PSMB5: variants seen among roughly 807,000 people sequenced by gnomAD.
PSMB5 encodes proteasome 20S subunit beta 5.
PSMB5 carries 2 observed loss-of-function variants against 22.8 expected under a neutral mutation model. The ratio of observed to expected loss-of-function variants is 0.09; its 90% confidence interval spans 0.04 to 0.28. The LOEUF is 0.28. PSMB5 is among the 10% of genes least tolerant of loss of function. The pLI is 1.00. For missense variants in PSMB5, 269 were observed against 343.8 expected (o/e 0.78, Z 1.72); for synonymous variants, 133 against 135.3 (o/e 0.98, Z 0.12).
chr14:23,032,281 C>T (rs2139920064), intron 2 of PSMB5, among the ~76,000 whole-genome samples: 1 of 152,128 alleles, frequency 6.6e-6, no homozygotes, highest in African/African-American at 2.4e-5. Context: ...CCCATCTCTA[C>T]TAAAAATATA....
At chr14:23,033,263 TACACTTCTTCAGCATTGAC>T (rs1366364927) in intron 2 of PSMB5, 86 bp downstream of exon 2, 1 of 1,209,880 alleles carries the variant, frequency 8.3e-7, no homozygotes. Context: ...AGGACCTAAT[TACACTTCTTCAGCATTGAC>T]ACCAAGCCCT....
At chr14:23,026,410 A>G (rs754405638) in intron 2 of PSMB5, 35 bp from the exon 3 acceptor site, 1 of 1,583,636 alleles carries the variant, frequency 6.3e-7, no homozygotes, top group South Asian at 1.2e-5. Flanking sequence ...GGAAAAAAAA[A>G]AAGATCACCC....
chr14:23,033,588 C>T lies in PSMB5; in HGVS notation c.285G>A (p.Glu95=). The T allele has an allele frequency of 6.2e-7, 1 of 1,614,186 alleles. No homozygotes were observed. Among genetic ancestry groups the T allele is most frequent in the Non-Finnish European group, 8.5e-7 (1 of 1,180,038 alleles). Residue 95 remains glutamate, a synonymous_variant, in exon 2 of 3, where the codon GAG becomes GAA. Coordinates refer to ENST00000361611, the MANE Select transcript of PSMB5 (RefSeq NM_002797.5). ...TGGTGCCTAGCAGGTATGGGTTGAT[C>T]TCTATCACCTTCTTCACCGTCTGGG... is the stretch of plus-strand genomic sequence containing the variant. ...IASQTVKKVI[E]INPYLLGTMA...
intron 2 of PSMB5, chr14:23,027,769 G>A (rs2046926363): frequency 6.5e-7 from 1 of 1,548,158 alleles, no homozygotes; most frequent in Admixed American, 2.0e-5. Flanking sequence ...GATCCTCTCA[G>A]CACACCCACA....
At chr14:23,027,718 C>T in intron 2 of PSMB5, 1 of 1,476,278 alleles carries the variant, frequency 6.8e-7, no homozygotes, top group South Asian at 1.2e-5. Flanking sequence ...CATACCACCC[C>T]ATCTCACCTT....
upstream of PSMB5, chr14:23,035,040 A>G (rs1242469351): frequency 1.4e-6 from 2 of 1,390,776 alleles, no homozygotes; most frequent in Non-Finnish European, 1.9e-6. Context: ...GCCAGATGCG[A>G]AAGACCATTT....
chr14:23,026,734 G>GCCACCT, intron 2 of PSMB5, among the ~76,000 whole-genome samples: 1 of 151,092 alleles, frequency 6.6e-6, no homozygotes, highest in African/African-American at 2.4e-5. Flanking sequence ...ACAGGCGTGA[G>GCCACCT]CCACCTCGCC....
intron 1 of PSMB5, among the ~76,000 whole-genome samples, chr14:23,034,104 C>T (rs887405691): frequency 2.1e-5 from 3 of 145,306 alleles, no homozygotes; most frequent in Admixed American, 1.4e-4. Context: ...CCAGCCTGAG[C>T]GACAGCGAAA....
Position 23,034,797 on chromosome 14 carries a change from C to G in PSMB5, c.85G>C (p.Asp29His). The G allele has an allele frequency of 6.2e-7, 1 of 1,614,236 alleles. No homozygotes were observed. The highest frequency in any genetic ancestry group is 8.5e-7 in the Non-Finnish European group (1 of 1,180,046). The change falls in exon 1 of 3, where the codon GAT becomes CAT. Residue 29 changes from aspartate (D) to histidine (H), a missense_variant. Coordinates refer to ENST00000361611, the MANE Select transcript of PSMB5 (RefSeq NM_002797.5). Reference sequence around the variant, plus strand: ...TCACTGAGACTCCCTGGACCTAGATCCAGCAGATCTGCACGACCCCCAAGT... The same window carrying G: ...TCACTGAGACTCCCTGGACCTAGATGCAGCAGATCTGCACGACCCCCAAGT... ...FGLGGRADLL[D>H]LGPGSLSDGL...
chr14:23,025,972 A>C lies in PSMB5; in HGVS notation c.*117T>G. Reference sequence around the variant, plus strand: ...GGTCAATGTGCCAGAGCTTAAAAAAAAGTACTGATACAATTGAAGGCCCTT... The same window carrying C: ...GGTCAATGTGCCAGAGCTTAAAAAACAGTACTGATACAATTGAAGGCCCTT... On this transcript the variant is annotated 3_prime_UTR_variant, in exon 3 of 3. Coordinates refer to ENST00000361611, the MANE Select transcript of PSMB5 (RefSeq NM_002797.5). 6.6e-7 allele frequency: 1 copy of C among 1,523,978 alleles called. No individual in the cohort carries two copies. The allele number at this position is 1,523,978 out of a possible 1,614,324, so 94.4% of individuals were successfully genotyped here.
intron 2 of PSMB5, among the ~76,000 whole-genome samples, chr14:23,032,290 T>G (rs2331829): frequency 6.6e-6 from 1 of 152,084 alleles, no homozygotes. Flanking sequence ...ACTAAAAATA[T>G]AAAATTAGCT....
chr14:23,029,838 G>A (rs999754770), intron 2 of PSMB5, among the ~76,000 whole-genome samples: 20 of 151,044 alleles, frequency 1.3e-4, no homozygotes, highest in African/African-American at 4.4e-4. Flanking sequence ...CTGGAGTGCA[G>A]TGGCACGATC....
intron 2 of PSMB5, among the ~76,000 whole-genome samples, chr14:23,032,444 CT>C (rs1374153094): frequency 6.6e-6 from 1 of 151,442 alleles, no homozygotes; most frequent in African/African-American, 2.4e-5. Flanking sequence ...AACTTTGCAT[CT>C]CAAAAAAAGA....
intron 2 of PSMB5, among the ~76,000 whole-genome samples, chr14:23,030,806 A>C (rs1594713817): frequency 6.7e-6 from 1 of 149,906 alleles, no homozygotes; most frequent in Non-Finnish European, 1.5e-5. Context: ...GGTGTCTGTA[A>C]TCCCAGCTAC....
intron 2 of PSMB5, among the ~76,000 whole-genome samples, chr14:23,028,510 A>T (rs944944077): frequency 3.3e-5 from 5 of 152,164 alleles, no homozygotes. Flanking sequence ...ATTGAAATTA[A>T]TTTTTTTTAA....
chr14:23,030,761 T>C (rs2139917848), intron 2 of PSMB5, among the ~76,000 whole-genome samples: 1 of 151,720 alleles, frequency 6.6e-6, no homozygotes, highest in East Asian at 2.0e-4. Flanking sequence ...ACCCTGTCTC[T>C]ACTAAAAATA....
rs748049628 is a variant in PSMB5, at chr14:23,034,811, C to A, written c.71G>T (p.Arg24Leu). Residue 24 changes from arginine (R) to leucine (L), a missense_variant, in exon 1 of 3, where the codon CGT (arginine) becomes CTT (leucine). Physicochemically the swap from Arg to Leu is moderately radical, Grantham distance 102. Transcript: ENST00000361611. ...TGGACCTAGATCCAGCAGATCTGCA[C>A]GACCCCCAAGTCCGAAAAACCCGCG... ...NQRGFFGLGG[R>L]ADLLDLGPGS... 1 of 1,614,210 alleles carries A rather than the reference C, an allele frequency of 6.2e-7. No homozygotes were observed. The highest frequency in any genetic ancestry group is 8.5e-7 in the Non-Finnish European group (1 of 1,180,038).
rs1418378625 is a variant in PSMB5, at chr14:23,026,231, C to T, written c.650G>A (p.Arg217Gln). 11 of 1,613,990 alleles carry T rather than the reference C, an allele frequency of 6.8e-6. No individual in the cohort carries two copies. Among genetic ancestry groups the T allele is most frequent in the Middle Eastern group, 1.7e-4 (1 of 6,060 alleles). ...EVEQAYDLAR[R>Q]AIYQATYRDA... is the part of the protein sequence containing the mutation. ...TCTGTAGGTGGCTTGGTAGATGGCTCGACGGGCCAGATCATAGGCCTGCTC... is the reference window on the plus strand; with the variant it reads ...TCTGTAGGTGGCTTGGTAGATGGCTTGACGGGCCAGATCATAGGCCTGCTC... The change falls in exon 3 of 3, where the codon CGA becomes CAA. Residue 217 changes from arginine (R) to glutamine (Q), a missense_variant. Around this residue, in one of 3 missense-constraint regions of PSMB5, gnomAD observed 113 missense variants for 130.2 expected, o/e 0.87. Coordinates refer to ENST00000361611, the MANE Select transcript of PSMB5 (RefSeq NM_002797.5).
intron 2 of PSMB5, among the ~76,000 whole-genome samples, chr14:23,030,918 T>C (rs893994256): frequency 6.6e-6 from 1 of 152,054 alleles, no homozygotes; most frequent in Non-Finnish European, 1.5e-5. Context: ...AGAGGAAAAC[T>C]CCATCTCAAA....
Sources: allele counts gnomAD v4.1 joint callset (sites outside exome capture counted in the v4.1 genomes callset), GRCh38; gene constraint gnomAD v4.1.1; regional missense constraint gnomAD v4.1.1; transcripts MANE v1.5; gene names NCBI Gene and HGNC (gene_info 2026-07-23, HGNC 2026-07-21).